The following SSBP2 variants were observed in gnomAD, a reference collection of about 807,000 sequenced individuals.
SSBP2 encodes single-stranded DNA-binding protein 2.
SSBP2 carries 17 observed loss-of-function variants against 61.8 expected under a neutral mutation model. That is an observed-to-expected ratio of 0.28 (90% CI 0.19 to 0.41). The LOEUF is 0.41. Among genes scored for constraint, SSBP2 ranks in the 10% least tolerant of loss-of-function variants. The pLI, the probability that SSBP2 is intolerant of heterozygous loss-of-function variation, is 1.00. For missense variants in SSBP2, 310 were observed against 458.7 expected, an observed-to-expected ratio of 0.68 and a Z score of 2.96; for synonymous variants, 139 against 141.3, an observed-to-expected ratio of 0.98 and a Z score of 0.12.
At chr5:81,498,439 T>G (rs969578112) in intron 5 of SSBP2, among the ~76,000 whole-genome samples, 1 of 152,104 alleles carries the variant, frequency 6.6e-6, no homozygotes, top group Non-Finnish European at 1.5e-5. Context: ...TGAAACAGTG[T>G]TGAATTCTGT....
intron 4 of SSBP2, among the ~76,000 whole-genome samples, chr5:81,587,611 T>A (rs1424131836): frequency 2.0e-5 from 3 of 152,094 alleles, no homozygotes; most frequent in Non-Finnish European, 4.4e-5. Context: ...ATGCCTGTAA[T>A]CCCAGCTACT....
intron 11 of SSBP2, among the ~76,000 whole-genome samples, chr5:81,447,267 T>C (rs1461987701): frequency 6.6e-6 from 1 of 152,220 alleles, no homozygotes; most frequent in Non-Finnish European, 1.5e-5. Flanking sequence ...TTAGTTTTTA[T>C]AGAAAGCTAA....
At chr5:81,746,789 T>A (rs750475809) in intron 1 of SSBP2, among the ~76,000 whole-genome samples, 1 of 152,180 alleles carries the variant, frequency 6.6e-6, no homozygotes, top group African/African-American at 2.4e-5. Context: ...ATATTATGTG[T>A]ATCTTTTATG....
chr5:81,685,903 A>G (rs907763267), intron 1 of SSBP2, among the ~76,000 whole-genome samples: 1 of 152,228 alleles, frequency 6.6e-6, no homozygotes, highest in Non-Finnish European at 1.5e-5. Context: ...TTGCTTTGTA[A>G]ATAATTCCCC....
At chr5:81,432,768 G>GC (rs564635162) in intron 15 of SSBP2, among the ~76,000 whole-genome samples, 22 of 121,544 alleles carry the variant, frequency 1.8e-4, no homozygotes, top group African/African-American at 6.3e-4. Flanking sequence ...GGGGGGGTCA[G>GC]CCCCCGCCCG....
chr5:81,666,789 T>C (rs1348039117), intron 1 of SSBP2, among the ~76,000 whole-genome samples: 1 of 152,220 alleles, frequency 6.6e-6, no homozygotes, highest in Non-Finnish European at 1.5e-5. Flanking sequence ...CTATGGAATC[T>C]TGATATACAC....
chr5:81,717,861 C>G (rs879622230), intron 1 of SSBP2, among the ~76,000 whole-genome samples: 23 of 152,146 alleles, frequency 1.5e-4, no homozygotes, highest in Admixed American at 1.4e-3. Flanking sequence ...AAACCTGCAC[C>G]TAAACAATTC....
chr5:81,568,839 T>C (rs1773634319), intron 4 of SSBP2, among the ~76,000 whole-genome samples: 1 of 152,208 alleles, frequency 6.6e-6, no homozygotes. Flanking sequence ...ATCTAGCTTG[T>C]AGGAAAGTCT....
chr5:81,610,508 C>T (rs563839370), intron 4 of SSBP2, among the ~76,000 whole-genome samples: 3 of 152,242 alleles, frequency 2.0e-5, no homozygotes, highest in South Asian at 4.1e-4. Flanking sequence ...GTTTAAAGCA[C>T]CTGATCTTTG....
chr5:81,549,514 A>G (rs1772011266), intron 4 of SSBP2, among the ~76,000 whole-genome samples: 2 of 152,168 alleles, frequency 1.3e-5, no homozygotes, highest in South Asian at 2.1e-4. Context: ...GTTATTGTAT[A>G]TGCAATAATC....
At chr5:81,451,398 C>T (rs1185403952) in intron 10 of SSBP2, among the ~76,000 whole-genome samples, 4 of 151,060 alleles carry the variant, frequency 2.6e-5, no homozygotes, top group Middle Eastern at 6.9e-3. Context: ...TAAGTCCTTG[C>T]TCCTTTTATA....
At chr5:81,645,775 A>G (rs1749193614) in intron 2 of SSBP2, among the ~76,000 whole-genome samples, 1 of 152,124 alleles carries the variant, frequency 6.6e-6, no homozygotes, top group African/African-American at 2.4e-5. Context: ...TCTAAATAAT[A>G]TTCCATTTTT....
chr5:81,553,870 C>T (rs1294652670), intron 4 of SSBP2, among the ~76,000 whole-genome samples: 1 of 151,626 alleles, frequency 6.6e-6, no homozygotes, highest in Non-Finnish European at 1.5e-5. Context: ...TTATCCTTTC[C>T]TGCTTTCTTT....
chr5:81,498,822 G>GA (rs1158761190), intron 5 of SSBP2, among the ~76,000 whole-genome samples: 5 of 152,080 alleles, frequency 3.3e-5, no homozygotes, highest in South Asian at 4.2e-4. Flanking sequence ...ATATTACGTT[G>GA]AAAAATCACT....
At chr5:81,572,569 G>T (rs759000172) in intron 4 of SSBP2, among the ~76,000 whole-genome samples, 9 of 152,102 alleles carry the variant, frequency 5.9e-5, no homozygotes, top group Non-Finnish European at 1.3e-4. Flanking sequence ...TATAGCAAAG[G>T]CTTTAGATGA....
chr5:81,656,897 A>G (rs926688265), intron 1 of SSBP2, among the ~76,000 whole-genome samples: 1 of 152,138 alleles, frequency 6.6e-6, no homozygotes. Context: ...TGAAAAAGTC[A>G]TAAGTTTTTT....
intron 6 of SSBP2, among the ~76,000 whole-genome samples, chr5:81,478,530 G>T (rs182770909): frequency 6.6e-6 from 1 of 152,128 alleles, no homozygotes; most frequent in African/African-American, 2.4e-5. Context: ...TAGTAGTCGG[G>T]GTTTCACCAT....
At position 81,420,529 on chromosome 5, in the gene SSBP2, G is replaced by T; in HGVS notation, c.1061C>A (p.Ser354Tyr). Residue 354 changes from serine (S) to tyrosine (Y), a missense_variant, in exon 17 of 17, where the codon TCC becomes TAC. Ser to Tyr is a moderately radical substitution (Grantham distance 144, BLOSUM62 -2). This residue lies in a region of SSBP2 where 44 missense variants were observed against 86.2 expected (regional missense o/e 0.51). Coordinates refer to ENST00000320672, the MANE Select transcript of SSBP2 (RefSeq NM_012446.5). ...TCACACGCTCATTGTCATGCTAGGG[G>T]AGTACTAGAAGGAAAGAAGAATCCA... is the stretch of plus-strand genomic sequence containing the variant. 6.2e-7 allele frequency: 1 copy of T among 1,613,500 alleles called. No homozygotes were observed. Among genetic ancestry groups the T allele is most frequent in the Non-Finnish European group, 8.5e-7 (1 of 1,179,494 alleles).
chr5:81,623,331 C>CTTTTTT (rs35687529), intron 3 of SSBP2, among the ~76,000 whole-genome samples: 8 of 110,572 alleles, frequency 7.2e-5, no homozygotes, highest in Admixed American at 1.1e-4. Context: ...CATTGTAGTA[C>CTTTTTT]TTTTTTTTTT....
Sources: allele counts gnomAD v4.1 joint callset (sites outside exome capture counted in the v4.1 genomes callset), GRCh38; gene constraint gnomAD v4.1.1; regional missense constraint gnomAD v4.1.1; transcripts MANE v1.5; gene names NCBI Gene and HGNC (gene_info 2026-07-23, HGNC 2026-07-21).